MYO1E: variants seen among roughly 807,000 people sequenced by gnomAD.
MYO1E encodes the protein myosin IE.
In MYO1E, 68 loss-of-function variants were observed where a neutral mutation model predicts 151.1. The ratio of observed to expected loss-of-function variants is 0.45; its 90% CI spans 0.37 to 0.55. MYO1E has a LOEUF of 0.55. MYO1E is among the 20% of genes least tolerant of loss of function. The probability of loss-of-function intolerance (pLI) is 0.00; values close to 1 mark genes in which losing one functional copy is unlikely to be tolerated. For synonymous variants in MYO1E, 601 were observed against 501.7 expected, an observed-to-expected ratio of 1.20 and a Z score of -2.64; for missense variants, 1,363 against 1,389.3, an observed-to-expected ratio of 0.98 and a Z score of 0.30.
intron 1 of MYO1E, among the ~76,000 whole-genome samples, chr15:59,294,120 C>T (rs1313492544): frequency 3.9e-5 from 6 of 152,236 alleles, no homozygotes; most frequent in Non-Finnish European, 4.4e-5. Flanking sequence ...GAGCGTCTGG[C>T]TGGCTTCCAC....
At chr15:59,364,289 T>C (rs1235457113) in intron 1 of MYO1E, among the ~76,000 whole-genome samples, 3 of 152,178 alleles carry the variant, frequency 2.0e-5, no homozygotes, top group Non-Finnish European at 4.4e-5. Flanking sequence ...GGTAGGTACC[T>C]TTGGGCTAGA....
At chr15:59,155,028 A>G (rs1339716469) in intron 25 of MYO1E, among the ~76,000 whole-genome samples, 1 of 152,132 alleles carries the variant, frequency 6.6e-6, no homozygotes, top group Non-Finnish European at 1.5e-5. Context: ...AGTGAGTGAG[A>G]GCTGAATGGG....
chr15:59,161,265 G>A (rs533325779), intron 23 of MYO1E, 35 bp from the exon 24 acceptor site: 1 of 1,607,912 alleles, frequency 6.2e-7, no homozygotes. Flanking sequence ...CAGGTCGAAG[G>A]ACGCAGTGAG....
rs187598680 is a variant in MYO1E at position 59,330,026 on chromosome 15, C to A, written c.3+42472G>T. 7.2e-5 allele frequency among the ~76,000 whole-genome samples: 11 copies of A among 152,242 alleles called. 1 individual carries two copies. In the East Asian group the frequency reaches 2.1e-3, roughly 29 times the overall value. On this transcript the variant is annotated intron_variant, in intron 1 of 27. Transcript: ENST00000288235. Reference sequence around the variant, plus strand: ...GATGCTTTATTTTTTAAGAATTAACCATTCCCAGCTTCAATATTCTGCTTC... The same window carrying A: ...GATGCTTTATTTTTTAAGAATTAACAATTCCCAGCTTCAATATTCTGCTTC...
At chr15:59,352,719 T>G (rs965604800) in intron 1 of MYO1E, among the ~76,000 whole-genome samples, 1 of 152,208 alleles carries the variant, frequency 6.6e-6, no homozygotes, top group Non-Finnish European at 1.5e-5. Flanking sequence ...CTAGTTCCAA[T>G]AGCAGATTCT....
Position 59,153,614 on chromosome 15 carries a change from T to A in MYO1E, c.3056A>T (p.Lys1019Met). ...CCCTGCAGCTCCCTGGTCCGGGACC[T>A]TGAGGAAATCCAGGCTCTCTGGCGT... ...SQTPESLDFL[K>M]VPDQGAAGVR... The change falls in exon 26 of 28, where the codon AAG (lysine) becomes ATG (methionine). Residue 1019 changes from lysine to methionine, a missense_variant. Coordinates refer to ENST00000288235, the MANE Select transcript of MYO1E (RefSeq NM_004998.4). 1 of 1,614,190 alleles carries A rather than the reference T, an allele frequency of 6.2e-7. No homozygotes were observed. The highest frequency in any genetic ancestry group is 1.1e-5 in the South Asian group (1 of 91,082).
chr15:59,303,982 C>CTTT lies in MYO1E; in HGVS notation c.4-31536_4-31534dup, dbSNP rs35196401. On this transcript the variant is annotated intron_variant, in intron 1 of 27. Transcript: ENST00000288235. ...TCTCTATTTTCATTTTCTTTTCTTT[C>CTTT]TTTTTTTTTTTTTTTTTTAGAGGGA... Among the ~76,000 whole-genome samples, 58 of 132,640 alleles carry CTTT rather than the reference C, an allele frequency of 4.4e-4. 1 individual carries two copies. The highest frequency in any genetic ancestry group is 6.1e-4 in the Admixed American group (8 of 13,088). The allele number at this position is 132,640 out of a possible 152,430, so 87.0% of individuals were successfully genotyped here. A position where few individuals can be genotyped will look rare whatever the true frequency, so the allele number is the denominator to read the frequency against.
intron 26 of MYO1E, among the ~76,000 whole-genome samples, chr15:59,143,294 C>T (rs1334583702): frequency 1.3e-5 from 2 of 152,104 alleles, no homozygotes; most frequent in South Asian, 2.1e-4. Flanking sequence ...GAGGCCAGGG[C>T]AGCTTTGAGA....
chr15:59,204,866 C>A (rs1212390539), intron 15 of MYO1E, among the ~76,000 whole-genome samples: 1 of 152,190 alleles, frequency 6.6e-6, no homozygotes, highest in East Asian at 1.9e-4. Flanking sequence ...TAGAACCAGA[C>A]TGTTCCACTC....
At chr15:59,229,110 G>A (rs1287322551) in intron 6 of MYO1E, among the ~76,000 whole-genome samples, 1 of 152,212 alleles carries the variant, frequency 6.6e-6, no homozygotes, top group African/African-American at 2.4e-5. Flanking sequence ...ATGTGATAGA[G>A]GGAATACTTC....
At chr15:59,347,573 AAATT>A (rs1166425275) in intron 1 of MYO1E, among the ~76,000 whole-genome samples, 5 of 152,222 alleles carry the variant, frequency 3.3e-5, no homozygotes, top group Non-Finnish European at 7.3e-5. Context: ...CCAAAAATAA[AAATT>A]AAAACATATT....
At chr15:59,188,019 A>G (rs1383664693) in intron 18 of MYO1E, 99 bp downstream of exon 18, 1 of 896,602 alleles carries the variant, frequency 1.1e-6, no homozygotes, top group African/African-American at 1.6e-5. Flanking sequence ...ATACGTTAAA[A>G]GCCATTGACT....
rs369962506 is a variant in MYO1E, at chr15:59,223,105, G to C, written c.864C>G (p.Ile288Met). The change falls in exon 9 of 28, where the codon ATC becomes ATG. Residue 288 changes from isoleucine (I) to methionine (M), a missense_variant. By Grantham distance (10) the Ile-to-Met change is conservative (BLOSUM62 1). Transcript: ENST00000288235. Reference sequence around the variant, plus strand: ...CGTAGTTGCCAACTTCTTTGAAGCTGATGTTTCCCAGGTGGAGAATACCCG... The same window carrying C: ...CGTAGTTGCCAACTTCTTTGAAGCTCATGTTTCCCAGGTGGAGAATACCCG... ...IVAGILHLGN[I>M]SFKEVGNYAA... 1 of 1,613,992 alleles carries C rather than the reference G, an allele frequency of 6.2e-7. No homozygotes were observed. Among genetic ancestry groups the C allele is most frequent in the Non-Finnish European group, 8.5e-7 (1 of 1,180,010 alleles).
At chr15:59,271,768 G>T (rs2140381876) in intron 2 of MYO1E, among the ~76,000 whole-genome samples, 1 of 152,336 alleles carries the variant, frequency 6.6e-6, no homozygotes, top group South Asian at 2.1e-4. Flanking sequence ...TCTTTTAAGT[G>T]CAGACTCAAA....
chr15:59,273,663 G>A (rs576452054), intron 1 of MYO1E, among the ~76,000 whole-genome samples: 7 of 89,238 alleles, frequency 7.8e-5, no homozygotes, highest in Admixed American at 1.8e-4. Context: ...AATCTATGCC[G>A]GAGGAGACCA....
intron 1 of MYO1E, among the ~76,000 whole-genome samples, chr15:59,318,669 C>G (rs140964889): frequency 6.4e-4 from 98 of 152,258 alleles, no homozygotes; most frequent in African/African-American, 2.2e-3. Context: ...TAGAAGCCTA[C>G]CAGAATGTTG....
chr15:59,295,638 G>C (rs1241979884), intron 1 of MYO1E, among the ~76,000 whole-genome samples: 1 of 152,122 alleles, frequency 6.6e-6, no homozygotes, highest in Non-Finnish European at 1.5e-5. Flanking sequence ...TTTGCTCCCA[G>C]TGTTTCACAA....
intron 26 of MYO1E, among the ~76,000 whole-genome samples, chr15:59,139,526 AC>A (rs1168192101): frequency 2.8e-5 from 3 of 106,998 alleles, no homozygotes; most frequent in Non-Finnish European, 3.8e-5. Context: ...CATCCCTCCT[AC>A]CCCCTCATTA....
At chr15:59,140,986 T>C (rs186396141) in intron 26 of MYO1E, among the ~76,000 whole-genome samples, 1 of 152,316 alleles carries the variant, frequency 6.6e-6, no homozygotes, top group Non-Finnish European at 1.5e-5. Flanking sequence ...GAAATCCCCA[T>C]TCCCTGTTCA....
Sources: allele counts gnomAD v4.1 joint callset (sites outside exome capture counted in the v4.1 genomes callset), GRCh38; gene constraint gnomAD v4.1.1; transcripts MANE v1.5; gene names NCBI Gene and HGNC (gene_info 2026-07-23, HGNC 2026-07-21).